The following SRGAP3 variants were observed in gnomAD, a reference collection of about 807,000 sequenced individuals.
SRGAP3 encodes the protein SLIT-ROBO Rho GTPase activating protein 3.
Under a neutral mutation model 121.1 loss-of-function variants are expected in SRGAP3, and 39 were observed. The observed-to-expected ratio is 0.32, with a 90% CI of 0.25 to 0.42. The LOEUF is 0.42. Ranked by LOEUF, SRGAP3 falls within the 10% of genes least tolerant of loss-of-function variation. The pLI is 1.00. For synonymous variants in SRGAP3, 601 were observed against 570.0 expected, an observed-to-expected ratio of 1.05 and a Z score of -0.77; for missense variants, 1,213 against 1,470.6, an observed-to-expected ratio of 0.82 and a Z score of 2.86.
At chr3:9,216,568 T>G (rs1952635319) in intron 1 of SRGAP3, 1 of 152,632 alleles carries the variant, frequency 6.6e-6, no homozygotes, top group African/African-American at 2.4e-5. Flanking sequence ...CTCTCAGAAA[T>G]AACTTCAACT....
chr3:9,130,898 C>G (rs1949419938), intron 1 of SRGAP3, among the ~76,000 whole-genome samples: 1 of 152,212 alleles, frequency 6.6e-6, no homozygotes, highest in South Asian at 2.1e-4. Context: ...TTGGAAAGAG[C>G]AGAGCAACCT....
intron 3 of SRGAP3, among the ~76,000 whole-genome samples, chr3:9,313,815 C>T (rs749058377): frequency 2.0e-5 from 3 of 151,650 alleles, no homozygotes; most frequent in Admixed American, 1.3e-4. Context: ...GCCAATAGGG[C>T]GAAACCCCAT....
At chr3:9,003,140 G>C (rs532652452) in intron 18 of SRGAP3, among the ~76,000 whole-genome samples, 1 of 152,158 alleles carries the variant, frequency 6.6e-6, no homozygotes, top group East Asian at 1.9e-4. Context: ...GAAAACTACA[G>C]ACCAGTATTT....
At chr3:9,169,682 C>T (rs902029936) in intron 1 of SRGAP3, among the ~76,000 whole-genome samples, 1 of 152,214 alleles carries the variant, frequency 6.6e-6, no homozygotes, top group Non-Finnish European at 1.5e-5. Context: ...ATTAGGCCAA[C>T]ACCTTGTGAA....
Position 9,013,316 on chromosome 3 carries a change from T to C in SRGAP3, c.2139A>G (p.Glu713=). 1.2e-6 allele frequency: 2 copies of C among 1,614,000 alleles called. No individual in the cohort carries two copies. Among genetic ancestry groups the C allele is most frequent in the Non-Finnish European group, 1.7e-6 (2 of 1,179,872 alleles). Residue 713 remains glutamate, a synonymous_variant, in exon 17 of 22, where the codon GAA becomes GAG. Transcript: ENST00000383836. ...PVYEKCMAGG[E]EYCDSPHSEP... is the part of the protein sequence containing the mutation. Reference sequence around the variant, plus strand: ...GAGGAATGGCATCTTACCAATATTCTTCCCCTCCAGCCATGCATTTTTCAT... The same window carrying C: ...GAGGAATGGCATCTTACCAATATTCCTCCCCTCCAGCCATGCATTTTTCAT...
rs543287056 is a variant in SRGAP3, at chr3:9,209,814, C to T, written c.67+39071G>A. Among the ~76,000 whole-genome samples the T allele has an allele frequency of 2.0e-5, 3 of 152,240 alleles. No homozygotes were observed. The South Asian group carries it at 6.2e-4, about 32-fold the overall frequency. ...AGCTAGGCACTCAAAAAGAATGAAGCCTATGTACACATAGAGATTTGCACA... is the reference window on the plus strand; with the variant it reads ...AGCTAGGCACTCAAAAAGAATGAAGTCTATGTACACATAGAGATTTGCACA... On this transcript the variant is annotated intron_variant, in intron 1 of 21. Coordinates refer to ENST00000383836, the MANE Select transcript of SRGAP3 (RefSeq NM_014850.4).
chr3:9,271,762 C>T (rs1324960537), intron 3 of SRGAP3, among the ~76,000 whole-genome samples: 1 of 152,204 alleles, frequency 6.6e-6, no homozygotes, highest in Non-Finnish European at 1.5e-5. Flanking sequence ...GAAAAAAGCA[C>T]AGCGTGGCAG....
At chr3:8,991,095 C>T (rs760167957) in intron 20 of SRGAP3, among the ~76,000 whole-genome samples, 41 of 152,192 alleles carry the variant, frequency 2.7e-4, no homozygotes, top group Non-Finnish European at 4.9e-4. Context: ...ACAGCTGTGC[C>T]GCCAACCGCA....
At chr3:9,128,043 T>C (rs1409271256) in intron 1 of SRGAP3, among the ~76,000 whole-genome samples, 1 of 150,614 alleles carries the variant, frequency 6.6e-6, no homozygotes, top group African/African-American at 2.5e-5. Context: ...ATTTCAATTA[T>C]ACCTTAAAAA....
chr3:8,980,913 G>A lies in SRGAP3; in HGVS notation c.*4606C>T, dbSNP rs965340763. 6.9e-5 allele frequency: 16 copies of A among 233,230 alleles called. No homozygotes were observed. The highest frequency in any genetic ancestry group is 1.0e-4 in the Non-Finnish European group (12 of 117,864). 14.4% of individuals were successfully genotyped at this position (233,230 alleles called of 1,614,324 possible). ...AAACCATGTAAACAGTCACACTGCC[G>A]GGAACAAGGGCCTGGGCAGAAACCC... is the stretch of plus-strand genomic sequence containing the variant. On this transcript the variant is annotated 3_prime_UTR_variant, in exon 22 of 22. Transcript: ENST00000383836.
intron 1 of SRGAP3, among the ~76,000 whole-genome samples, chr3:9,136,811 G>A (rs543582848): frequency 6.6e-6 from 1 of 152,298 alleles, no homozygotes; most frequent in East Asian, 1.9e-4. Flanking sequence ...GATCCCCACG[G>A]TTCCTGCGGA....
intron 21 of SRGAP3, among the ~76,000 whole-genome samples, chr3:8,987,145 A>G (rs1274845965): frequency 1.3e-5 from 2 of 152,220 alleles, no homozygotes; most frequent in Non-Finnish European, 2.9e-5. Context: ...GGGTGAGATA[A>G]TGGATGTGAT....
At chr3:9,234,246 G>A (rs1953324280) in intron 1 of SRGAP3, among the ~76,000 whole-genome samples, 1 of 152,164 alleles carries the variant, frequency 6.6e-6, no homozygotes, top group African/African-American at 2.4e-5. Flanking sequence ...AGTGACTGTT[G>A]TTCTGCCTCA....
chr3:9,055,848 TG>T (rs1383800972), intron 8 of SRGAP3, among the ~76,000 whole-genome samples: 1 of 152,114 alleles, frequency 6.6e-6, no homozygotes, highest in East Asian at 1.9e-4. Context: ...ACTCCAGTTA[TG>T]GCAATACTGA....
intron 3 of SRGAP3, among the ~76,000 whole-genome samples, chr3:9,312,551 A>G (rs1243089786): frequency 6.6e-6 from 1 of 152,236 alleles, no homozygotes; most frequent in Non-Finnish European, 1.5e-5. Flanking sequence ...AACAAGCTCA[A>G]AGAGCCAGAC....
intron 1 of SRGAP3, among the ~76,000 whole-genome samples, chr3:9,361,340 G>A (rs1016259344): frequency 3.9e-5 from 6 of 152,120 alleles, no homozygotes; most frequent in Non-Finnish European, 5.9e-5. Flanking sequence ...CTGAGCTCAA[G>A]CGAGCCACTC....
At chr3:9,015,574 C>A (rs1232711705) in intron 15 of SRGAP3, 23 bp downstream of exon 15, 3 of 1,613,456 alleles carry the variant, frequency 1.9e-6, no homozygotes, top group Non-Finnish European at 1.7e-6. Context: ...AAAAACTGAT[C>A]ATTTCACCTG....
intron 1 of SRGAP3, among the ~76,000 whole-genome samples, chr3:9,332,003 A>T (rs1955616613): frequency 6.6e-6 from 1 of 152,230 alleles, no homozygotes; most frequent in Non-Finnish European, 1.5e-5. Context: ...TAACTGATAC[A>T]ACTTCAATTT....
intron 1 of SRGAP3, among the ~76,000 whole-genome samples, chr3:9,242,986 A>C (rs1038280890): frequency 2.6e-5 from 4 of 152,138 alleles, no homozygotes; most frequent in African/African-American, 7.2e-5. Flanking sequence ...AGCCCAGCCT[A>C]AACTTATTTT....
Sources: gnomAD v4.1 joint callset for allele counts (sites outside exome capture counted in the v4.1 genomes callset) on GRCh38, gnomAD v4.1.1 for gene constraint, MANE v1.5 for transcripts, NCBI Gene and HGNC (gene_info 2026-07-23, HGNC 2026-07-21) for gene names.